The following GABRA2 variants were observed in gnomAD, a reference collection of about 807,000 sequenced individuals.
GABRA2 encodes gamma-aminobutyric acid type A receptor subunit alpha2.
Under a neutral mutation model 48.7 loss-of-function variants are expected in GABRA2, and 16 were observed. The ratio of observed to expected loss-of-function variants is 0.33; its 90% CI spans 0.22 to 0.50. The LOEUF is 0.50. Ranked by LOEUF, GABRA2 falls within the 20% of genes least tolerant of loss-of-function variation. The pLI is 0.98. For synonymous variants in GABRA2, 185 were observed against 184.5 expected (o/e 1.00, Z -0.02); for missense variants, 275 against 535.6 (o/e 0.51, Z 4.80).
At chr4:46,352,412 A>T (rs1735278299) in intron 3 of GABRA2, among the ~76,000 whole-genome samples, 1 of 151,962 alleles carries the variant, frequency 6.6e-6, no homozygotes, top group African/African-American at 2.4e-5. Flanking sequence ...AGTAAGCTAC[A>T]TAATTTATTT....
At chr4:46,368,168 C>T (rs1356259096) in intron 3 of GABRA2, 1 of 152,098 alleles carries the variant, frequency 6.6e-6, no homozygotes, top group Non-Finnish European at 1.5e-5. Context: ...GAGCAAGATA[C>T]ATGATCGAGA....
chr4:46,282,481 T>C (rs961255202), intron 8 of GABRA2, among the ~76,000 whole-genome samples: 1 of 152,210 alleles, frequency 6.6e-6, no homozygotes, highest in Non-Finnish European at 1.5e-5. Context: ...TTTATTCCAC[T>C]ACAATTGAAA....
rs201274349 is a variant in GABRA2, at chr4:46,298,287, C to T, written c.856+5173G>A. Among the ~76,000 whole-genome samples, 8 of 152,066 alleles carry T rather than the reference C, an allele frequency of 5.3e-5. No homozygotes were observed. The East Asian group carries it at 1.5e-3, about 29-fold the overall frequency. Reference sequence around the variant, plus strand: ...CCCAATTTTACTATTCCAAGATTATCTTTTTGTAGTTGTGCTCATCTTTTT... The same window carrying T: ...CCCAATTTTACTATTCCAAGATTATTTTTTTGTAGTTGTGCTCATCTTTTT... On this transcript the variant is annotated intron_variant, in intron 8 of 9. Coordinates refer to ENST00000381620, the MANE Select transcript of GABRA2 (RefSeq NM_000807.4).
chr4:46,257,506 C>A (rs1716074800), intron 9 of GABRA2, among the ~76,000 whole-genome samples: 1 of 151,516 alleles, frequency 6.6e-6, no homozygotes, highest in Admixed American at 6.6e-5. Context: ...ACTTTATTGA[C>A]CAATTCTCAT....
chr4:46,347,535 T>C (rs1357311626), intron 3 of GABRA2, among the ~76,000 whole-genome samples: 1 of 151,898 alleles, frequency 6.6e-6, no homozygotes, highest in Admixed American at 6.6e-5. Flanking sequence ...AAACTGTCTA[T>C]CCACATGCAG....
intron 3 of GABRA2, chr4:46,363,923 A>G (rs1560583171): frequency 6.6e-6 from 1 of 152,182 alleles, no homozygotes; most frequent in Admixed American, 6.5e-5. Flanking sequence ...GGTAGAATAC[A>G]CTTACATGTA....
At chr4:46,343,639 T>C (rs899644451) in intron 3 of GABRA2, among the ~76,000 whole-genome samples, 28 of 151,978 alleles carry the variant, frequency 1.8e-4, no homozygotes, top group African/African-American at 6.5e-4. Flanking sequence ...ACAGCTAACA[T>C]GCACGCTTTG....
Position 46,246,954 on chromosome 4 carries a change from G to C in GABRA2, c.*3354C>G, listed in dbSNP as rs526063. On this transcript the variant is annotated 3_prime_UTR_variant, in exon 10 of 10. Transcript: ENST00000381620. ...TTCTGGAATCCATGATTATATCATG[G>C]CAGGGTTTGTGTCCCTCAACCAGGA... Among the ~76,000 whole-genome samples, 2 of 150,764 alleles carry C rather than the reference G, an allele frequency of 1.3e-5. No homozygotes were observed. Among genetic ancestry groups the C allele is most frequent in the Non-Finnish European group, 3.0e-5 (2 of 67,296 alleles).
intron 8 of GABRA2, among the ~76,000 whole-genome samples, chr4:46,279,681 A>T (rs555739463): frequency 5.7e-4 from 86 of 152,182 alleles, no homozygotes; most frequent in African/African-American, 2.0e-3. Context: ...TATTTGGACT[A>T]TCCTAACATA....
At chr4:46,274,097 A>T (rs1321352207) in intron 8 of GABRA2, among the ~76,000 whole-genome samples, 1 of 152,160 alleles carries the variant, frequency 6.6e-6, no homozygotes, top group Non-Finnish European at 1.5e-5. Flanking sequence ...GGGAGACAGT[A>T]GTCATCTCTG....
At chr4:46,264,870 G>T (rs540940534) in intron 8 of GABRA2, among the ~76,000 whole-genome samples, 5 of 151,426 alleles carry the variant, frequency 3.3e-5, no homozygotes, top group African/African-American at 9.7e-5. Context: ...TTTGTTAAAG[G>T]TTTACTCAGA....
chr4:46,326,441 G>T (rs1048651918), intron 4 of GABRA2, among the ~76,000 whole-genome samples: 3 of 150,730 alleles, frequency 2.0e-5, no homozygotes, highest in Non-Finnish European at 4.4e-5. Flanking sequence ...CTGTAGCACA[G>T]ATATCTGATG....
intron 8 of GABRA2, among the ~76,000 whole-genome samples, chr4:46,276,258 T>C (rs1377279907): frequency 6.6e-6 from 1 of 152,118 alleles, no homozygotes; most frequent in Non-Finnish European, 1.5e-5. Context: ...AGTAAATTCT[T>C]CACTCAGATT....
chr4:46,262,304 T>C (rs1169367635), intron 8 of GABRA2, among the ~76,000 whole-genome samples, 176 bp from the exon 9 acceptor site: 1 of 152,086 alleles, frequency 6.6e-6, no homozygotes, highest in Non-Finnish European at 1.5e-5. Context: ...TTAATTATCT[T>C]AAATGGTTAT....
At chr4:46,315,454 C>CT (rs1288715168) in intron 4 of GABRA2, among the ~76,000 whole-genome samples, 2 of 151,858 alleles carry the variant, frequency 1.3e-5, no homozygotes, top group African/African-American at 4.8e-5. Context: ...TAGTTTGAGT[C>CT]TTTTTTCTCC....
chr4:46,265,496 A>ATAATATATATACAATATATTG (rs1560448922), intron 8 of GABRA2, among the ~76,000 whole-genome samples: 14 of 145,364 alleles, frequency 9.6e-5, no homozygotes, highest in African/African-American at 3.3e-4. Context: ...TTATATATAT[A>ATAATATATATACAATATATTG]TATATATGTT....
At chr4:46,357,777 C>T (rs1736244719) in intron 3 of GABRA2, among the ~76,000 whole-genome samples, 1 of 151,044 alleles carries the variant, frequency 6.6e-6, no homozygotes, top group African/African-American at 2.4e-5. Context: ...TCTCCTGCCT[C>T]AGCCTCCCGA....
At chr4:46,326,126 T>C (rs1308214304) in intron 4 of GABRA2, among the ~76,000 whole-genome samples, 2 of 151,910 alleles carry the variant, frequency 1.3e-5, no homozygotes, top group Non-Finnish European at 2.9e-5. Context: ...GTGATATTGA[T>C]AGTGTGATAG....
intron 9 of GABRA2, chr4:46,261,632 C>G (rs1227345259): frequency 2.1e-6 from 1 of 475,282 alleles, no homozygotes; most frequent in African/African-American, 1.9e-5. Context: ...AATAAGAAGG[C>G]AGTCTAGTCA....
Sources: gnomAD v4.1 joint callset for allele counts (sites outside exome capture counted in the v4.1 genomes callset) on GRCh38, gnomAD v4.1.1 for gene constraint, MANE v1.5 for transcripts, NCBI Gene and HGNC (gene_info 2026-07-23, HGNC 2026-07-21) for gene names.